CAST: variants seen among roughly 807,000 people sequenced by gnomAD.
CAST encodes the protein calpastatin.
CAST carries 76 observed loss-of-function variants against 119.6 expected under a neutral mutation model. The observed-to-expected ratio is 0.64, with a 90% CI of 0.53 to 0.77. The LOEUF is 0.77. CAST is among the 30% of genes least tolerant of loss of function. The probability of loss-of-function intolerance (pLI) is 0.00; values close to 1 mark genes in which losing one functional copy is unlikely to be tolerated. For missense variants in CAST, 953 were observed against 946.5 expected, an observed-to-expected ratio of 1.01 and a Z score of -0.09; for synonymous variants, 319 against 331.6, an observed-to-expected ratio of 0.96 and a Z score of 0.41.
At chr5:96,737,549 G>A (rs1761915689) in intron 10 of CAST, among the ~76,000 whole-genome samples, 1 of 152,158 alleles carries the variant, frequency 6.6e-6, no homozygotes, top group Admixed American at 6.5e-5. Context: ...AACTGTCAGT[G>A]CATCGGACTG....
At chr5:96,296,953 A>G in the CAST span, among the ~76,000 whole-genome samples, 1 of 152,050 alleles carries the variant, frequency 6.6e-6, no homozygotes, top group African/African-American at 2.4e-5. Flanking sequence ...TCTACATTCG[A>G]TAATATTTGG....
chr5:96,250,366 C>A, the CAST span, among the ~76,000 whole-genome samples: 1 of 152,114 alleles, frequency 6.6e-6, no homozygotes, highest in South Asian at 2.1e-4. Flanking sequence ...TTCTCTGTGT[C>A]ATCCTGAAGA....
the CAST span, among the ~76,000 whole-genome samples, chr5:96,022,098 A>G: frequency 6.6e-6 from 1 of 152,324 alleles, no homozygotes; most frequent in South Asian, 2.1e-4. Context: ...ATGATTTAGA[A>G]CATATGGGAG....
chr5:96,555,262 G>T (rs903666075), intron 1 of CAST, among the ~76,000 whole-genome samples: 1 of 152,126 alleles, frequency 6.6e-6, no homozygotes, highest in South Asian at 2.1e-4. Context: ...CAAGATGGCT[G>T]AATAGGAACA....
At chr5:96,486,918 A>G in the CAST span, among the ~76,000 whole-genome samples, 3,238 of 151,820 alleles carry the variant, frequency 0.021, 125 homozygotes, top group African/African-American at 0.074. Flanking sequence ...CAAATAATCT[A>G]AGAAAAAAAG....
chr5:96,514,895 G>T, the CAST span, among the ~76,000 whole-genome samples: 1 of 152,274 alleles, frequency 6.6e-6, no homozygotes, highest in African/African-American at 2.4e-5. Flanking sequence ...GGGATTTCAG[G>T]TGTGCGCCAC....
intron 1 of CAST, among the ~76,000 whole-genome samples, chr5:96,634,906 T>A (rs1472010004): frequency 6.6e-6 from 1 of 152,242 alleles, no homozygotes. Context: ...GGGTAAGATT[T>A]CTTAAAGAAC....
intron 1 of CAST, among the ~76,000 whole-genome samples, chr5:96,538,996 C>A (rs1745868497): frequency 6.6e-6 from 1 of 152,152 alleles, no homozygotes; most frequent in African/African-American, 2.4e-5. Context: ...AGGAAATAGA[C>A]CACAGAACTT....
the CAST span, among the ~76,000 whole-genome samples, chr5:96,464,815 A>C: frequency 6.6e-6 from 1 of 152,236 alleles, no homozygotes; most frequent in African/African-American, 2.4e-5. Context: ...ATTGTTGGCT[A>C]CAGATTTGTA....
chr5:96,226,789 G>A, the CAST span, among the ~76,000 whole-genome samples: 1 of 152,140 alleles, frequency 6.6e-6, no homozygotes. Context: ...CTACCCAACA[G>A]CCCTCTTGGC....
At chr5:96,041,164 A>G in the CAST span, among the ~76,000 whole-genome samples, 3 of 152,098 alleles carry the variant, frequency 2.0e-5, no homozygotes, top group Admixed American at 6.6e-5. Context: ...AGAGTACAGT[A>G]TGGGGTTGGG....
At chr5:96,362,950 G>A in the CAST span, among the ~76,000 whole-genome samples, 1 of 152,138 alleles carries the variant, frequency 6.6e-6, no homozygotes, top group Non-Finnish European at 1.5e-5. Context: ...TTTTCTTCTA[G>A]GGTTTTTATG....
chr5:96,509,619 A>G, the CAST span, among the ~76,000 whole-genome samples: 2 of 152,230 alleles, frequency 1.3e-5, no homozygotes, highest in African/African-American at 4.8e-5. Context: ...TGGATTGGCT[A>G]TGGGAACAGT....
intron 3 of CAST, among the ~76,000 whole-genome samples, chr5:96,697,605 A>C (rs967414745): frequency 1.3e-5 from 2 of 152,256 alleles, no homozygotes; most frequent in Admixed American, 6.5e-5. Context: ...CATAAATTCA[A>C]AACTGAGGTC....
the CAST span, among the ~76,000 whole-genome samples, chr5:96,203,582 T>C: frequency 6.6e-6 from 1 of 152,072 alleles, no homozygotes; most frequent in South Asian, 2.1e-4. Flanking sequence ...TAAAATGCAA[T>C]ATAAAAGTAG....
the CAST span, among the ~76,000 whole-genome samples, chr5:96,505,434 C>T: frequency 6.6e-6 from 1 of 151,914 alleles, no homozygotes; most frequent in East Asian, 1.9e-4. Flanking sequence ...GAGCCGAGAC[C>T]CGCCACTGCA....
chr5:96,432,176 C>T, the CAST span: 19 of 1,520,352 alleles, frequency 1.2e-5, no homozygotes, highest in South Asian at 2.3e-4. Flanking sequence ...AGTTATGAAG[C>T]TTGGACTTTA....
chr5:96,168,431 C>T, the CAST span, among the ~76,000 whole-genome samples: 84,326 of 151,898 alleles, frequency 0.56, 23,852 homozygotes, highest in Middle Eastern at 0.61. Context: ...TGGTGCAGGA[C>T]ATAGAAGGCA....
At chr5:96,383,534 C>T in the CAST span, among the ~76,000 whole-genome samples, 1 of 152,188 alleles carries the variant, frequency 6.6e-6, no homozygotes, top group South Asian at 2.1e-4. Flanking sequence ...GCAACCTTCA[C>T]CTCCCAGGTT....
Sources: gnomAD v4.1 joint callset for allele counts (sites outside exome capture counted in the v4.1 genomes callset) on GRCh38, gnomAD v4.1.1 for gene constraint, MANE v1.5 for transcripts, NCBI Gene and HGNC (gene_info 2026-07-23, HGNC 2026-07-21) for gene names.